The following RASAL2 variants were observed in gnomAD, a reference collection of about 807,000 sequenced individuals.
The protein encoded by RASAL2 is RAS protein activator like 2.
A neutral mutation model predicts 128.9 loss-of-function variants in RASAL2; 58 were observed. That is an observed-to-expected ratio of 0.45 (90% CI 0.36 to 0.56). The LOEUF is 0.56. RASAL2 is among the 20% of genes least tolerant of loss of function. The pLI is 0.00. For synonymous variants in RASAL2, 561 were observed against 580.8 expected (o/e 0.97, Z 0.49); for missense variants, 1,360 against 1,601.6 (o/e 0.85, Z 2.57).
At chr1:178,272,103 G>A (rs1355274130) in intron 1 of RASAL2, among the ~76,000 whole-genome samples, 1 of 152,022 alleles carries the variant, frequency 6.6e-6, no homozygotes, top group Admixed American at 6.6e-5. Flanking sequence ...TTTTAAATTA[G>A]TTATATACTG....
intron 1 of RASAL2, among the ~76,000 whole-genome samples, chr1:178,155,069 C>T (rs767781261): frequency 6.6e-5 from 10 of 152,096 alleles, no homozygotes; most frequent in Non-Finnish European, 1.3e-4. Flanking sequence ...ACGATCCACC[C>T]GCCTTGGCCT....
chr1:178,124,633 G>T (rs184745653), intron 1 of RASAL2, among the ~76,000 whole-genome samples: 149 of 152,220 alleles, frequency 9.8e-4, no homozygotes, highest in African/African-American at 3.3e-3. Context: ...ATTTTGCAAA[G>T]ATATTTTGAT....
chr1:178,165,578 G>A (rs1661492825), intron 1 of RASAL2, among the ~76,000 whole-genome samples: 2 of 152,168 alleles, frequency 1.3e-5, no homozygotes, highest in South Asian at 4.1e-4. Flanking sequence ...AGGGATGACT[G>A]TACACATACA....
chr1:178,477,636 G>T lies in RASAL2; in HGVS notation c.*4397G>T, dbSNP rs1274731698. The T allele has an allele frequency of 6.6e-6, 1 of 152,074 alleles. No individual in the cohort carries two copies. The highest frequency in any genetic ancestry group is 1.5e-5 in the Non-Finnish European group (1 of 68,008). The allele number at this position is 152,074 out of a possible 1,614,324, so 9.4% of individuals were successfully genotyped here. A position where few individuals can be genotyped will look rare whatever the true frequency, so the allele number is the denominator to read the frequency against. On this transcript the variant is annotated 3_prime_UTR_variant, in exon 18 of 18. Transcript: ENST00000367649. Reference sequence around the variant, plus strand: ...TTAAAATACATAGATACATAAAAAGGCAGTCTCTGTAGACAACACATGCAC... The same window carrying T: ...TTAAAATACATAGATACATAAAAAGTCAGTCTCTGTAGACAACACATGCAC...
chr1:178,141,992 C>G (rs1022192535), intron 1 of RASAL2, among the ~76,000 whole-genome samples: 3 of 151,968 alleles, frequency 2.0e-5, no homozygotes, highest in African/African-American at 7.3e-5. Context: ...ACTGGTAGTA[C>G]AGCAGCATGG....
intron 3 of RASAL2, among the ~76,000 whole-genome samples, chr1:178,324,145 A>G (rs1460531277): frequency 1.3e-5 from 2 of 152,212 alleles, no homozygotes; most frequent in Non-Finnish European, 1.5e-5. Flanking sequence ...GAGCAATAAC[A>G]TAAACTTTGA....
At chr1:178,374,692 T>C (rs945059085) in intron 3 of RASAL2, among the ~76,000 whole-genome samples, 2 of 152,168 alleles carry the variant, frequency 1.3e-5, no homozygotes, top group African/African-American at 4.8e-5. Context: ...CCTGACATTC[T>C]ATTATTCATT....
At chr1:178,115,945 T>G (rs1471800948) in intron 1 of RASAL2, among the ~76,000 whole-genome samples, 3 of 152,176 alleles carry the variant, frequency 2.0e-5, no homozygotes, top group Admixed American at 6.5e-5. Flanking sequence ...AGGGTAAATT[T>G]TGGTTTAATG....
At chr1:178,451,776 T>TA in intron 10 of RASAL2, 61 bp downstream of exon 10, 3 of 1,524,974 alleles carry the variant, frequency 2.0e-6, no homozygotes, top group Non-Finnish European at 2.7e-6. Context: ...CAGTGGAACT[T>TA]ACATTTTTTC....
At position 178,146,904 on chromosome 1, in the gene RASAL2, T is replaced by G. The variant is rs146412518; in HGVS notation, c.202+52210T>G. Among the ~76,000 whole-genome samples, 1,166 of 152,328 alleles carry G rather than the reference T, an allele frequency of 7.7e-3. 5 individuals are homozygous for G. Among genetic ancestry groups the G allele is most frequent in the Non-Finnish European group, 0.011 (721 of 68,026 alleles). On this transcript the variant is annotated intron_variant, in intron 1 of 17. Transcript: ENST00000367649. ...GGTGTATGTCAGGCTAACCTGCAGG[T>G]GGAGATGTCTATATAAAGGGTTGGC...
chr1:178,444,660 C>G (rs963980961), intron 8 of RASAL2, among the ~76,000 whole-genome samples: 2 of 152,018 alleles, frequency 1.3e-5, no homozygotes, highest in African/African-American at 4.8e-5. Context: ...CTTTATTTCC[C>G]CTTATGCTAT....
At chr1:178,460,127 G>A (rs1432498066) in intron 14 of RASAL2, among the ~76,000 whole-genome samples, 1 of 152,142 alleles carries the variant, frequency 6.6e-6, no homozygotes, top group Non-Finnish European at 1.5e-5. Context: ...AGAATACTGT[G>A]TAGAAGCAAA....
At chr1:178,426,485 A>G (rs186306898) in intron 5 of RASAL2, among the ~76,000 whole-genome samples, 1 of 152,264 alleles carries the variant, frequency 6.6e-6, no homozygotes, top group East Asian at 1.9e-4. Flanking sequence ...AATAATAGTA[A>G]TAATAATAAG....
intron 1 of RASAL2, among the ~76,000 whole-genome samples, chr1:178,256,096 A>G (rs1389728433): frequency 6.6e-6 from 1 of 152,226 alleles, no homozygotes; most frequent in African/African-American, 2.4e-5. Context: ...TATTAGAAAT[A>G]GAGGGGCATC....
chr1:178,310,737 G>A (rs1668205373), intron 3 of RASAL2, among the ~76,000 whole-genome samples: 1 of 152,120 alleles, frequency 6.6e-6, no homozygotes, highest in Admixed American at 6.6e-5. Flanking sequence ...TGGCTCCAAG[G>A]CAGTGCTGCC....
chr1:178,097,173 T>C (rs78478294), intron 1 of RASAL2, among the ~76,000 whole-genome samples: 5,651 of 152,274 alleles, frequency 0.037, 136 homozygotes, highest in Non-Finnish European at 0.054. Context: ...AACTAGAAGC[T>C]TAGAGTATTG....
At chr1:178,395,718 G>A (rs1184987471) in intron 4 of RASAL2, among the ~76,000 whole-genome samples, 1 of 149,834 alleles carries the variant, frequency 6.7e-6, no homozygotes, top group African/African-American at 2.5e-5. Context: ...CATCTGCATG[G>A]AGTTAAAATC....
chr1:178,467,668 C>T (rs566556324), intron 17 of RASAL2, among the ~76,000 whole-genome samples: 12 of 152,304 alleles, frequency 7.9e-5, no homozygotes, highest in Admixed American at 5.9e-4. Context: ...CAAATCTCAA[C>T]CTAGTGCATG....
chr1:178,313,254 A>G (rs1266145656), intron 3 of RASAL2, among the ~76,000 whole-genome samples: 1 of 152,198 alleles, frequency 6.6e-6, no homozygotes, highest in African/African-American at 2.4e-5. Context: ...AGGAGGAAGG[A>G]TTCACATTCT....
Sources: gnomAD v4.1 joint callset for allele counts (sites outside exome capture counted in the v4.1 genomes callset) on GRCh38, gnomAD v4.1.1 for gene constraint, MANE v1.5 for transcripts, NCBI Gene and HGNC (gene_info 2026-07-23, HGNC 2026-07-21) for gene names.